The following CD44 variants were observed in gnomAD, a reference collection of about 807,000 sequenced individuals.
CD44 encodes the protein CD44 molecule (IN blood group).
Under a neutral mutation model 88.8 loss-of-function variants are expected in CD44, and 49 were observed. The observed-to-expected ratio is 0.55, with a 90% confidence interval of 0.44 to 0.70. The LOEUF is 0.70. Ranked by LOEUF, CD44 falls within the 30% of genes least tolerant of loss-of-function variation. The pLI is 0.00. For missense variants in CD44, 883 were observed against 913.8 expected, an observed-to-expected ratio of 0.97 and a Z score of 0.43; for synonymous variants, 325 against 312.3, an observed-to-expected ratio of 1.04 and a Z score of -0.43.
At chr11:35,206,329 G>A in intron 11 of CD44, 86 bp downstream of exon 11, 2 of 1,367,322 alleles carry the variant, frequency 1.5e-6, no homozygotes, top group Non-Finnish European at 2.0e-6. Context: ...TATGCCCTTG[G>A]TTTTAGACCA....
At chr11:35,181,762 T>A (rs1374991189) in intron 3 of CD44, among the ~76,000 whole-genome samples, 13 of 121,626 alleles carry the variant, frequency 1.1e-4, no homozygotes, top group African/African-American at 4.2e-4. Context: ...AAATTTATAT[T>A]TATATATTTA....
chr11:35,196,964 G>T (rs112878236), intron 6 of CD44, 90 bp downstream of exon 6: 1 of 1,372,064 alleles, frequency 7.3e-7, no homozygotes, highest in Non-Finnish European at 1.0e-6. Flanking sequence ...AAAGCCTAAC[G>T]TTCCTTCTAT....
At chr11:35,185,273 C>A (rs1292471892) in intron 3 of CD44, among the ~76,000 whole-genome samples, 1 of 151,784 alleles carries the variant, frequency 6.6e-6, no homozygotes, top group Non-Finnish European at 1.5e-5. Flanking sequence ...TCTGAGAAAT[C>A]TTTTAGGACA....
At chr11:35,206,969 A>G (rs760667703) in intron 11 of CD44, among the ~76,000 whole-genome samples, 10 of 152,254 alleles carry the variant, frequency 6.6e-5, no homozygotes, top group Non-Finnish European at 1.2e-4. Flanking sequence ...ATTCCATTAA[A>G]TTAATGAACA....
intron 1 of CD44, among the ~76,000 whole-genome samples, chr11:35,164,150 T>C (rs962651298): frequency 6.6e-6 from 1 of 151,920 alleles, no homozygotes; most frequent in African/African-American, 2.4e-5. Flanking sequence ...TACCCCACCA[T>C]TCACATACAT....
intron 1 of CD44, among the ~76,000 whole-genome samples, chr11:35,145,938 T>G (rs547455485): frequency 6.6e-6 from 1 of 152,250 alleles, no homozygotes; most frequent in East Asian, 1.9e-4. Flanking sequence ...CGGTGTCTCC[T>G]CTCCACAGAG....
intron 1 of CD44, among the ~76,000 whole-genome samples, chr11:35,172,072 T>A (rs990648733): frequency 6.6e-6 from 1 of 152,190 alleles, no homozygotes; most frequent in Non-Finnish European, 1.5e-5. Context: ...ATGTTATCGT[T>A]CTTTGACCTT....
intron 3 of CD44, among the ~76,000 whole-genome samples, chr11:35,181,905 T>TATTATATATA (rs1291148360): frequency 3.0e-5 from 2 of 66,084 alleles, no homozygotes; most frequent in East Asian, 5.3e-4. Flanking sequence ...ATATAATATA[T>TATTATATATA]AATATATATT....
At chr11:35,213,692 G>GTGGTGGTGGTGATGGTGATGGTGA (rs1948605668) in intron 14 of CD44, 1 of 144,962 alleles carries the variant, frequency 6.9e-6, no homozygotes, top group African/African-American at 2.5e-5. Context: ...AGTGGCAGTG[G>GTGGTGGTGGTGATGGTGATGGTGA]TGGTGGTGGT....
At position 35,229,250 on chromosome 11, in the gene CD44, G is replaced by T; in HGVS notation, c.2146G>T (p.Glu716Ter). The change falls in exon 18 of 18, where the codon GAG becomes TAG. Residue 716 changes from glutamate (E) to a stop codon, truncating the protein, a stop_gained. Transcript: ENST00000428726. LOFTEE classifies it high-confidence loss of function. ...GGAAATGGTGCATTTGGTGAACAAG[G>T]AGTCGTCAGAAACTCCAGACCAGTT... is the stretch of plus-strand genomic sequence containing the variant. ...SQEMVHLVNK[E>*]SSETPDQFMT... The T allele has an allele frequency of 6.2e-7, 1 of 1,614,060 alleles. No homozygotes were observed. Among genetic ancestry groups the T allele is most frequent in the Non-Finnish European group, 8.5e-7 (1 of 1,179,932 alleles).
At chr11:35,211,476 G>A (rs912129544) in intron 14 of CD44, 27 bp downstream of exon 14, 2 of 1,548,050 alleles carry the variant, frequency 1.3e-6, no homozygotes, top group Non-Finnish European at 1.8e-6. Context: ...TATCTAGTTT[G>A]CTTTCTCTAT....
chr11:35,231,831 A>G lies in CD44; in HGVS notation c.*2498A>G, dbSNP rs956987248. ...TAATTATTTTGCAAAGCAACCTAAG[A>G]GCTAAAGATGTAATTTTTCTTGCAA... On this transcript the variant is annotated 3_prime_UTR_variant, in exon 18 of 18. Transcript: ENST00000428726. The G allele has an allele frequency of 2.0e-5, 3 of 152,232 alleles. No homozygotes were observed. Among genetic ancestry groups the G allele is most frequent in the African/African-American group, 4.8e-5 (2 of 41,464 alleles). 9.4% of individuals were successfully genotyped at this position (152,232 alleles called of 1,614,324 possible).
chr11:35,148,708 C>G (rs1859699158), intron 1 of CD44, among the ~76,000 whole-genome samples: 1 of 152,240 alleles, frequency 6.6e-6, no homozygotes, highest in South Asian at 2.1e-4. Context: ...TTTTCATATT[C>G]ATGATAGCCC....
chr11:35,169,767 T>C (rs7952338), intron 1 of CD44, among the ~76,000 whole-genome samples: 1 of 152,242 alleles, frequency 6.6e-6, no homozygotes, highest in Non-Finnish European at 1.5e-5. Context: ...TTTTCCTTGA[T>C]CTGAGGCTTA....
At chr11:35,174,522 G>A (rs77037231) in intron 1 of CD44, among the ~76,000 whole-genome samples, 2,633 of 152,252 alleles carry the variant, frequency 0.017, 37 homozygotes, top group East Asian at 0.079. Context: ...AGTGTAAACC[G>A]GGGGTCATAT....
chr11:35,202,679 G>A (rs1424606450), intron 9 of CD44, among the ~76,000 whole-genome samples: 1 of 152,144 alleles, frequency 6.6e-6, no homozygotes, highest in Non-Finnish European at 1.5e-5. Context: ...CTTGAGGGGT[G>A]CCTTCAGATA....
chr11:35,223,094 T>A (rs1591347133), intron 17 of CD44: 1 of 985,212 alleles, frequency 1.0e-6, no homozygotes, highest in African/African-American at 1.7e-5. Context: ...TTGCTATCTA[T>A]ACCATTGAGG....
chr11:35,148,708 C>CT (rs1303541140), intron 1 of CD44, among the ~76,000 whole-genome samples: 2 of 152,240 alleles, frequency 1.3e-5, no homozygotes, highest in East Asian at 3.8e-4. Flanking sequence ...TTTTCATATT[C>CT]ATGATAGCCC....
At chr11:35,221,514 T>C (rs1949300633) in intron 16 of CD44, 140 bp from the exon 17 acceptor site, 2 of 699,280 alleles carry the variant, frequency 2.9e-6, no homozygotes, top group Non-Finnish European at 5.2e-6. Context: ...TACCTGCCTA[T>C]TGGCTGGACC....
Sources: allele counts gnomAD v4.1 joint callset (sites outside exome capture counted in the v4.1 genomes callset), GRCh38; gene constraint gnomAD v4.1.1; transcripts MANE v1.5; gene names NCBI Gene and HGNC (gene_info 2026-07-23, HGNC 2026-07-21).